ACER3: variants seen among roughly 807,000 people sequenced by gnomAD.
ACER3 encodes alkCDase 3.
A neutral mutation model predicts 48.9 loss-of-function variants in ACER3; 16 were observed. That is an observed-to-expected ratio of 0.33 (90% confidence interval 0.22 to 0.50). The LOEUF (loss-of-function observed/expected upper bound fraction) is 0.50. ACER3 is among the 20% of genes least tolerant of loss of function. The pLI, the probability that ACER3 is intolerant of heterozygous loss-of-function variation, is 0.98. For missense variants in ACER3, 227 were observed against 326.0 expected (o/e 0.70, Z 2.34); for synonymous variants, 109 against 107.8 (o/e 1.01, Z -0.07).
chr11:76,979,355 C>T lies in ACER3; in HGVS notation c.320+3014C>T, dbSNP rs567409988. 1.4e-4 allele frequency among the ~76,000 whole-genome samples: 22 copies of T among 152,286 alleles called. 1 individual carries two copies. Among genetic ancestry groups the T allele is most frequent in the Middle Eastern group, 3.4e-3 (1 of 294 alleles). On this transcript the variant is annotated intron_variant, in intron 4 of 10. Transcript: ENST00000532485. Reference sequence around the variant, plus strand: ...GGCTCTGACCTTTACTAAAACTGATCTTTATCCAGAAACAATAAAAGTAAG... The same window carrying T: ...GGCTCTGACCTTTACTAAAACTGATTTTTATCCAGAAACAATAAAAGTAAG...
At chr11:77,001,798 T>G (rs1555019883) in intron 7 of ACER3, among the ~76,000 whole-genome samples, 2 of 152,218 alleles carry the variant, frequency 1.3e-5, no homozygotes, top group African/African-American at 4.8e-5. Context: ...CTTTATTAGG[T>G]TGAGGAATTT....
intron 7 of ACER3, among the ~76,000 whole-genome samples, chr11:77,011,160 G>A (rs1949255482): frequency 6.6e-6 from 1 of 152,192 alleles, no homozygotes; most frequent in Admixed American, 6.5e-5. Flanking sequence ...GTGATAGAGA[G>A]AGATACAGAG....
At chr11:76,867,629 T>C (rs971872214) in intron 1 of ACER3, among the ~76,000 whole-genome samples, 1 of 152,026 alleles carries the variant, frequency 6.6e-6, no homozygotes, top group African/African-American at 2.4e-5. Context: ...TGACATATTA[T>C]GATGAAGGGT....
intron 1 of ACER3, among the ~76,000 whole-genome samples, chr11:76,869,099 C>G (rs944543710): frequency 2.0e-5 from 3 of 152,212 alleles, no homozygotes; most frequent in African/African-American, 2.4e-5. Context: ...GGACAGATGT[C>G]TGAAGGAAGG....
At chr11:76,864,594 G>GTTTTTTT (rs376935274) in intron 1 of ACER3, among the ~76,000 whole-genome samples, 99 of 75,990 alleles carry the variant, frequency 1.3e-3, no homozygotes, top group South Asian at 2.3e-3. Context: ...TATGGAATGG[G>GTTTTTTT]TATTTTTTTT....
intron 3 of ACER3, among the ~76,000 whole-genome samples, chr11:76,964,731 A>G (rs1475045244): frequency 1.3e-5 from 2 of 151,364 alleles, no homozygotes; most frequent in Admixed American, 6.5e-5. Flanking sequence ...AGCAAACTCC[A>G]ACAGACCTGC....
At chr11:76,895,705 T>G (rs1326057735) in intron 1 of ACER3, among the ~76,000 whole-genome samples, 6 of 152,198 alleles carry the variant, frequency 3.9e-5, no homozygotes. Flanking sequence ...AGAAAACAAG[T>G]ACCTATGTGT....
Position 77,015,371 on chromosome 11 carries a change from A to G in ACER3, c.599+254A>G, listed in dbSNP as rs566303225. ...GTGTGTGGGCATCAAAGAACTATAT[A>G]GTTAATCAAATGTTGACTATTCCTT... is the stretch of plus-strand genomic sequence containing the variant. On this transcript the variant is annotated intron_variant, in intron 8 of 10. Transcript: ENST00000532485. The G allele has an allele frequency of 2.7e-5, 8 of 300,490 alleles. 1 individual carries two copies. The highest frequency in any genetic ancestry group is 1.5e-4 in the Admixed American group (3 of 19,490). The allele number at this position is 300,490 out of a possible 1,614,324, so 18.6% of individuals were successfully genotyped here.
intron 6 of ACER3, among the ~76,000 whole-genome samples, chr11:76,997,072 G>A (rs956262299): frequency 2.6e-5 from 4 of 152,162 alleles, no homozygotes; most frequent in Non-Finnish European, 5.9e-5. Flanking sequence ...GACTTGAAAG[G>A]CCAGATTTGA....
Position 77,024,306 on chromosome 11 carries a change from T to C in ACER3, c.*3979T>C, listed in dbSNP as rs183420920. The C allele has an allele frequency of 1.2e-5, 1 of 80,248 alleles. No individual in the cohort carries two copies. The highest frequency in any genetic ancestry group is 3.1e-4 in the East Asian group (1 of 3,208). 5.0% of individuals were successfully genotyped at this position (80,248 alleles called of 1,614,324 possible). A position where few individuals can be genotyped will look rare whatever the true frequency, so the allele number is the denominator to read the frequency against. On this transcript the variant is annotated 3_prime_UTR_variant, in exon 11 of 11. Coordinates refer to ENST00000532485, the MANE Select transcript of ACER3 (RefSeq NM_018367.7). ...AAAAAAAAAAAAAAAAAAAAAGAAT[T>C]AGGAAATACTTGTTAAAATATCTAA...
At chr11:76,944,168 G>C (rs1280094753) in intron 2 of ACER3, among the ~76,000 whole-genome samples, 1 of 151,922 alleles carries the variant, frequency 6.6e-6, no homozygotes, top group Non-Finnish European at 1.5e-5. Context: ...GGTTAATATT[G>C]ATATGTGAGG....
intron 1 of ACER3, among the ~76,000 whole-genome samples, chr11:76,906,139 C>G (rs1946226669): frequency 6.6e-6 from 1 of 152,152 alleles, no homozygotes; most frequent in Admixed American, 6.5e-5. Flanking sequence ...AACTTTGAAG[C>G]AAGGATAATA....
chr11:76,916,457 G>A (rs1043365642), intron 1 of ACER3, among the ~76,000 whole-genome samples: 2 of 152,178 alleles, frequency 1.3e-5, no homozygotes, highest in Admixed American at 1.3e-4. Flanking sequence ...ATAAATATCA[G>A]TTGATCAGAT....
At chr11:76,983,423 C>T (rs559794233) in intron 4 of ACER3, among the ~76,000 whole-genome samples, 5 of 151,858 alleles carry the variant, frequency 3.3e-5, no homozygotes, top group African/African-American at 1.2e-4. Flanking sequence ...CTCAAGCCAT[C>T]CTCCTACTTA....
rs568487059 is a variant in ACER3 at position 76,864,796 on chromosome 11, C to T, written c.103+3717C>T. On this transcript the variant is annotated intron_variant, in intron 1 of 10. Coordinates refer to ENST00000532485, the MANE Select transcript of ACER3 (RefSeq NM_018367.7). ...TGTATTTTTAGTGGAGACGGGGTTT[C>T]ACCATTTTGGCCAGGCTGGTCTCGA... Among the ~76,000 whole-genome samples the T allele has an allele frequency of 2.7e-5, 4 of 150,898 alleles. No individual in the cohort carries two copies. The South Asian group carries it at 6.3e-4, about 24-fold the overall frequency.
intron 1 of ACER3, among the ~76,000 whole-genome samples, chr11:76,865,705 C>T (rs1157072209): frequency 2.6e-5 from 4 of 151,940 alleles, no homozygotes; most frequent in Non-Finnish European, 5.9e-5. Context: ...GACGGGGTTT[C>T]ACCATGTTGG....
intron 2 of ACER3, among the ~76,000 whole-genome samples, chr11:76,932,657 A>G (rs181459673): frequency 1.1e-4 from 16 of 152,304 alleles, no homozygotes; most frequent in Admixed American, 1.0e-3. Context: ...CCAGAAAAAC[A>G]TAGAGATTAA....
At chr11:76,895,713 T>C (rs1169148625) in intron 1 of ACER3, among the ~76,000 whole-genome samples, 2 of 152,180 alleles carry the variant, frequency 1.3e-5, no homozygotes, top group South Asian at 2.1e-4. Context: ...AGTACCTATG[T>C]GTGAAGATGA....
intron 2 of ACER3, among the ~76,000 whole-genome samples, chr11:76,952,236 A>G (rs1947690652): frequency 6.6e-6 from 1 of 151,784 alleles, no homozygotes; most frequent in African/African-American, 2.4e-5. Flanking sequence ...AACATATCCA[A>G]GAATTCACTA....
Sources: allele counts gnomAD v4.1 joint callset (sites outside exome capture counted in the v4.1 genomes callset), GRCh38; gene constraint gnomAD v4.1.1; transcripts MANE v1.5; gene names NCBI Gene and HGNC (gene_info 2026-07-23, HGNC 2026-07-21).